Variants in NRCAM observed in about 807,000 individuals in gnomAD.
NRCAM encodes the protein NgCAM-related cell adhesion molecule.
A neutral mutation model predicts 156.5 loss-of-function variants in NRCAM; 83 were observed. The ratio of observed to expected loss-of-function variants is 0.53; its 90% CI spans 0.44 to 0.64. NRCAM has a LOEUF of 0.64. Among genes scored for constraint, NRCAM ranks in the 30% least tolerant of loss-of-function variants. The pLI, the probability that NRCAM is intolerant of heterozygous loss-of-function variation, is 0.00. For synonymous variants in NRCAM, 538 were observed against 563.9 expected (o/e 0.95, Z 0.65); for missense variants, 1,417 against 1,597.3 (o/e 0.89, Z 1.92).
At chr7:108,200,737 TACACACAC>T (rs61489479) in intron 13 of NRCAM, among the ~76,000 whole-genome samples, 11,618 of 134,962 alleles carry the variant, frequency 0.086, 704 homozygotes, top group African/African-American at 0.16. Flanking sequence ...GATAAAGAAA[TACACACAC>T]ACACACACAC....
At chr7:108,419,158 C>T (rs1305542303) in intron 1 of NRCAM, among the ~76,000 whole-genome samples, 2 of 152,132 alleles carry the variant, frequency 1.3e-5, no homozygotes, top group Admixed American at 6.5e-5. Context: ...CCCTCATCCC[C>T]GTAACTGTTC....
In NRCAM at chr7:108,352,481, G is replaced by A. The variant is rs538631750; in HGVS notation, c.-173-39750C>T. Among the ~76,000 whole-genome samples, 4 of 152,324 alleles carry A rather than the reference G, an allele frequency of 2.6e-5. No individual in the cohort carries two copies. In the South Asian group the frequency reaches 6.2e-4, roughly 24 times the overall value. ...TAAAGAAAGTAAATACGGAGTATCA[G>A]GTCTGCCTGGATGCTGGAAAGGTTG... On this transcript the variant is annotated intron_variant, in intron 2 of 32. Transcript: ENST00000379028.
intron 2 of NRCAM, among the ~76,000 whole-genome samples, chr7:108,377,700 C>G (rs1276367961): frequency 2.0e-5 from 3 of 152,116 alleles, no homozygotes; most frequent in Non-Finnish European, 4.4e-5. Flanking sequence ...TTTCCAGTAC[C>G]ACTGAGAATT....
At chr7:108,278,042 T>C (rs1203451146) in intron 3 of NRCAM, among the ~76,000 whole-genome samples, 1 of 152,210 alleles carries the variant, frequency 6.6e-6, no homozygotes, top group Non-Finnish European at 1.5e-5. Flanking sequence ...CCAGACCCTG[T>C]TTGCCTGAGT....
intron 2 of NRCAM, among the ~76,000 whole-genome samples, chr7:108,377,969 G>A (rs2099683265): frequency 6.6e-6 from 1 of 152,122 alleles, no homozygotes; most frequent in South Asian, 2.1e-4. Context: ...TTAATTTAAA[G>A]CAATTCTGTT....
intron 2 of NRCAM, among the ~76,000 whole-genome samples, chr7:108,347,611 T>C (rs546148654): frequency 1.3e-5 from 2 of 152,338 alleles, no homozygotes; most frequent in South Asian, 4.1e-4. Flanking sequence ...AGGATGTATA[T>C]ATTCCTTAAC....
chr7:108,210,859 CAAT>C (rs1369303393), intron 11 of NRCAM, among the ~76,000 whole-genome samples: 6 of 152,108 alleles, frequency 3.9e-5, no homozygotes, highest in Admixed American at 3.9e-4. Flanking sequence ...AGGAAGATAA[CAAT>C]ATTTGTCAAT....
rs151029926 is a variant in NRCAM, at chr7:108,180,384, C to T, written c.2690G>A (p.Arg897His). The T allele has an allele frequency of 8.4e-5, 136 of 1,614,204 alleles. 2 individuals carry two copies. The African/African-American group carries it at 1.5e-3, about 18-fold the overall frequency. ...GGTGAGGATCTTTTTCTCAATGTGA[C>T]GTCTGTTTCTTTTAGATGAACTCTG... ...KTQSSSKRNR[R>H]HIEKKILTFQ... The change falls in exon 25 of 33, where the codon CGT becomes CAT. Residue 897 changes from arginine to histidine, a missense_variant. Coordinates refer to ENST00000379028, the MANE Select transcript of NRCAM (RefSeq NM_001037132.4).
chr7:108,220,176 C>T (rs1405329622), intron 11 of NRCAM, among the ~76,000 whole-genome samples: 2 of 150,834 alleles, frequency 1.3e-5, no homozygotes, highest in South Asian at 2.1e-4. Context: ...AGGAAAACTA[C>T]AAAACACTAC....
intron 1 of NRCAM, among the ~76,000 whole-genome samples, chr7:108,431,590 C>T (rs1414217231): frequency 6.6e-6 from 1 of 151,998 alleles, no homozygotes; most frequent in African/African-American, 2.4e-5. Flanking sequence ...CAAGGTCAGC[C>T]TAGGCAACAT....
chr7:108,187,496 C>T (rs2067682612), intron 20 of NRCAM, among the ~76,000 whole-genome samples: 1 of 152,148 alleles, frequency 6.6e-6, no homozygotes, highest in African/African-American at 2.4e-5. Context: ...TTTAGTGTGG[C>T]CTTTCCTATT....
chr7:108,178,691 G>T (rs1316438634), intron 25 of NRCAM, among the ~76,000 whole-genome samples: 2 of 152,196 alleles, frequency 1.3e-5, no homozygotes, highest in African/African-American at 2.4e-5. Context: ...GGCCCGAGGG[G>T]TCTCAGGTTC....
At chr7:108,350,427 G>A (rs763526577) in intron 2 of NRCAM, among the ~76,000 whole-genome samples, 12 of 152,210 alleles carry the variant, frequency 7.9e-5, no homozygotes, top group Non-Finnish European at 1.3e-4. Flanking sequence ...GAAGAACTAG[G>A]AGCTGACACA....
At chr7:108,363,262 A>G (rs2099570910) in intron 2 of NRCAM, among the ~76,000 whole-genome samples, 1 of 152,176 alleles carries the variant, frequency 6.6e-6, no homozygotes, top group African/African-American at 2.4e-5. Flanking sequence ...TCAAGGAGGT[A>G]GAGTATAACC....
chr7:108,347,596 T>G (rs1413357176), intron 2 of NRCAM, among the ~76,000 whole-genome samples: 1 of 152,210 alleles, frequency 6.6e-6, no homozygotes, highest in Admixed American at 6.5e-5. Flanking sequence ...AAAAAAATCC[T>G]TCTAAGGATG....
chr7:108,208,023 G>A (rs2082054932), intron 12 of NRCAM, among the ~76,000 whole-genome samples: 1 of 152,032 alleles, frequency 6.6e-6, no homozygotes, highest in Non-Finnish European at 1.5e-5. Flanking sequence ...ACCAGGCATG[G>A]TGGCTCATGC....
chr7:108,407,557 A>T (rs2099810587), intron 1 of NRCAM, among the ~76,000 whole-genome samples: 1 of 152,192 alleles, frequency 6.6e-6, no homozygotes, highest in East Asian at 1.9e-4. Flanking sequence ...ATGCCCACTT[A>T]TTTCTCACCT....
At chr7:108,239,120 A>ATT (rs2095355528) in intron 4 of NRCAM, among the ~76,000 whole-genome samples, 1 of 152,068 alleles carries the variant, frequency 6.6e-6, no homozygotes. Context: ...AATTGTCCAG[A>ATT]TTTGAAATTT....
chr7:108,260,002 A>C (rs1313475923), intron 3 of NRCAM, among the ~76,000 whole-genome samples: 1 of 152,252 alleles, frequency 6.6e-6, no homozygotes, highest in Non-Finnish European at 1.5e-5. Flanking sequence ...TTAAAATAAA[A>C]TTTGAATTTT....
Sources: allele counts gnomAD v4.1 joint callset (sites outside exome capture counted in the v4.1 genomes callset), GRCh38; gene constraint gnomAD v4.1.1; transcripts MANE v1.5; gene names NCBI Gene and HGNC (gene_info 2026-07-23, HGNC 2026-07-21).